PARN: variants seen among roughly 807,000 people sequenced by gnomAD.
The protein encoded by PARN is poly(A)-specific ribonuclease, also known as poly(A)-specific ribonuclease PARN.
A neutral mutation model predicts 102.8 loss-of-function variants in PARN; 71 were observed. That is an observed-to-expected ratio of 0.69 (90% confidence interval 0.57 to 0.84). The LOEUF (loss-of-function observed/expected upper bound fraction) is 0.84, where lower values mean the gene tolerates loss of function less well. Among genes scored for constraint, PARN ranks in the 40% least tolerant of loss-of-function variants. The probability of loss-of-function intolerance (pLI) is 0.00; values close to 1 mark genes in which losing one functional copy is unlikely to be tolerated. For missense variants in PARN, 782 were observed against 760.9 expected (o/e 1.03, Z -0.33); for synonymous variants, 261 against 252.9 (o/e 1.03, Z -0.30).
intron 13 of PARN, among the ~76,000 whole-genome samples, chr16:14,586,797 G>T (rs189499137): frequency 6.6e-6 from 1 of 152,130 alleles, no homozygotes; most frequent in African/African-American, 2.4e-5. Context: ...CAGGAAATGG[G>T]CATACTGTAA....
At chr16:14,600,285 A>C (rs1032370003) in intron 11 of PARN, among the ~76,000 whole-genome samples, 2 of 152,232 alleles carry the variant, frequency 1.3e-5, no homozygotes, top group Non-Finnish European at 1.5e-5. Flanking sequence ...GTAACTTAAA[A>C]AGTTGCCACC....
At chr16:14,580,052 C>T (rs1969421158) in intron 18 of PARN, among the ~76,000 whole-genome samples, 1 of 151,900 alleles carries the variant, frequency 6.6e-6, no homozygotes, top group African/African-American at 2.4e-5. Context: ...GCAAAGGCTA[C>T]ATTTCCAAAG....
intron 22 of PARN, among the ~76,000 whole-genome samples, chr16:14,451,231 C>T (rs1006479211): frequency 6.6e-6 from 1 of 152,214 alleles, no homozygotes; most frequent in African/African-American, 2.4e-5. Flanking sequence ...GACCCTACTG[C>T]CCATCTCCTC....
chr16:14,545,987 T>C (rs533432301), intron 21 of PARN, among the ~76,000 whole-genome samples: 5 of 151,390 alleles, frequency 3.3e-5, no homozygotes, highest in African/African-American at 7.3e-5. Context: ...ACCAACAAAA[T>C]AGACAATATC....
Position 14,480,029 on chromosome 16 carries a change from T to G in PARN, c.1670+2609A>C, listed in dbSNP as rs541329808. ...CGGGAAAAAACTTAATAAACAAGAC[T>G]TTATGAAAATTAAAAGTATTTGGCT... On this transcript the variant is annotated intron_variant, in intron 22 of 23. Transcript: ENST00000437198. 2.6e-5 allele frequency among the ~76,000 whole-genome samples: 4 copies of G among 151,984 alleles called. No individual in the cohort carries two copies. The South Asian group carries it at 8.3e-4, about 32-fold the overall frequency.
chr16:14,545,254 C>T (rs1430992019), intron 21 of PARN, among the ~76,000 whole-genome samples: 1 of 152,144 alleles, frequency 6.6e-6, no homozygotes, highest in East Asian at 1.9e-4. Context: ...TTTAAGTGCA[C>T]ACAGTATGTT....
intron 18 of PARN, among the ~76,000 whole-genome samples, chr16:14,574,110 A>G (rs1968971865): frequency 6.6e-6 from 1 of 152,210 alleles, no homozygotes; most frequent in Non-Finnish European, 1.5e-5. Flanking sequence ...GGTTTTGACC[A>G]AAATGCTGGT....
At chr16:14,542,785 A>C (rs1169080901) in intron 21 of PARN, among the ~76,000 whole-genome samples, 7 of 152,232 alleles carry the variant, frequency 4.6e-5, no homozygotes, top group Non-Finnish European at 2.9e-5. Flanking sequence ...AACCTGAAGA[A>C]GACAAAGAAA....
At chr16:14,566,504 C>A (rs1290964404) in intron 18 of PARN, among the ~76,000 whole-genome samples, 1 of 152,160 alleles carries the variant, frequency 6.6e-6, no homozygotes, top group East Asian at 1.9e-4. Flanking sequence ...AACTTCTGGC[C>A]TCCAGAACCA....
intron 23 of PARN, among the ~76,000 whole-genome samples, chr16:14,437,025 C>CTATT (rs1311065358): frequency 3.3e-5 from 5 of 152,238 alleles, no homozygotes; most frequent in African/African-American, 1.2e-4. Context: ...CAGCATCTAT[C>CTATT]TATTTATTTC....
chr16:14,468,884 T>TAGAC (rs1211957129), intron 22 of PARN, among the ~76,000 whole-genome samples: 8 of 104,018 alleles, frequency 7.7e-5, no homozygotes, highest in Admixed American at 6.7e-4. Flanking sequence ...ACTAAATAGA[T>TAGAC]AGATAGATAG....
At chr16:14,529,082 T>C (rs977631574) in intron 21 of PARN, among the ~76,000 whole-genome samples, 3 of 152,274 alleles carry the variant, frequency 2.0e-5, no homozygotes, top group South Asian at 2.1e-4. Context: ...CCTATAAAAG[T>C]GTCACTTCAC....
At chr16:14,453,602 A>G (rs575149916) in intron 22 of PARN, among the ~76,000 whole-genome samples, 1 of 152,214 alleles carries the variant, frequency 6.6e-6, no homozygotes, top group South Asian at 2.1e-4. Context: ...TCTGCACTCA[A>G]TCCACATTGT....
At chr16:14,436,830 A>G in intron 23 of PARN, 58 bp from the exon 24 acceptor site, 1 of 1,259,410 alleles carries the variant, frequency 7.9e-7, no homozygotes, top group Non-Finnish European at 1.1e-6. Context: ...CCTTGAGGAG[A>G]GCATGACATG....
At chr16:14,503,200 G>GA (rs907643180) in intron 21 of PARN, among the ~76,000 whole-genome samples, 4 of 152,088 alleles carry the variant, frequency 2.6e-5, no homozygotes, top group Non-Finnish European at 5.9e-5. Flanking sequence ...CACCAGAAAG[G>GA]AAAAGAGACT....
At position 14,600,129 on chromosome 16, in the gene PARN, C is replaced by T. The variant is rs145679848; in HGVS notation, c.784-169G>A. Among the ~76,000 whole-genome samples the T allele has an allele frequency of 4.8e-3, 737 of 152,258 alleles. 25 individuals carry two copies. Among genetic ancestry groups the T allele is most frequent in the Admixed American group, 0.045 (680 of 15,270 alleles). ...AAACATTTGCATCTAAAATGATCTA[C>T]GTACATACTTTTCTTCTATTTTAGA... On this transcript the variant is annotated intron_variant, in intron 11 of 23. Coordinates refer to ENST00000437198, the MANE Select transcript of PARN (RefSeq NM_002582.4).
intron 21 of PARN, among the ~76,000 whole-genome samples, chr16:14,522,639 A>G (rs2151654513): frequency 1.3e-5 from 2 of 152,336 alleles, no homozygotes; most frequent in African/African-American, 4.8e-5. Flanking sequence ...GACAATATCC[A>G]GAAGTCACAA....
At chr16:14,561,323 T>C (rs1307978437) in intron 18 of PARN, among the ~76,000 whole-genome samples, 2 of 152,168 alleles carry the variant, frequency 1.3e-5, no homozygotes, top group East Asian at 1.9e-4. Flanking sequence ...CAGCATCACC[T>C]GGGAACTTGT....
chr16:14,533,328 G>A (rs1966455610), intron 21 of PARN, among the ~76,000 whole-genome samples: 1 of 152,072 alleles, frequency 6.6e-6, no homozygotes, highest in African/African-American at 2.4e-5. Context: ...ATCAGGCAGG[G>A]AGGTTGCAGT....
Sources: allele counts gnomAD v4.1 joint callset (sites outside exome capture counted in the v4.1 genomes callset), GRCh38; gene constraint gnomAD v4.1.1; transcripts MANE v1.5; gene names NCBI Gene and HGNC (gene_info 2026-07-23, HGNC 2026-07-21).